The following NATD1 variants were observed in gnomAD, a reference collection of about 807,000 sequenced individuals.
NATD1 encodes protein NATD1.
A neutral mutation model predicts 12.0 loss-of-function variants in NATD1; 9 were observed. That is an observed-to-expected ratio of 0.75 (90% CI 0.45 to 1.30). NATD1 has a LOEUF of 1.30. NATD1 is among the 50% of genes most tolerant of loss of function. NATD1 has a pLI of 0.00. For missense variants in NATD1, 148 were observed against 148.5 expected, an observed-to-expected ratio of 1.00 and a Z score of 0.02; for synonymous variants, 71 against 65.9, an observed-to-expected ratio of 1.08 and a Z score of -0.37.
chr17:21,248,514 CT>C (rs1023261015), intron 1 of NATD1, among the ~76,000 whole-genome samples: 63 of 152,314 alleles, frequency 4.1e-4, no homozygotes, highest in African/African-American at 1.5e-3. Context: ...ACCCTTCCTT[CT>C]CATTTCAGGT....
Position 21,243,252 on chromosome 17 carries a change from G to GT in NATD1, c.*60_*61insA. On this transcript the variant is annotated 3_prime_UTR_variant, in exon 3 of 3. Coordinates refer to ENST00000611551, the MANE Select transcript of NATD1 (RefSeq NM_152914.3). ...GGGACCAGGTTCCTGAGAGCACGTG[G>GT]GGCCAGGCAAAGGCCACGTGGAAGA... is the stretch of plus-strand genomic sequence containing the variant. The GT allele has an allele frequency of 7.2e-7, 1 of 1,381,174 alleles. No homozygotes were observed. Among genetic ancestry groups the GT allele is most frequent in the Non-Finnish European group, 1.0e-6 (1 of 991,536 alleles). The allele number at this position is 1,381,174 out of a possible 1,614,324, so 85.6% of individuals were successfully genotyped here. A position where few individuals can be genotyped will look rare whatever the true frequency, so the allele number is the denominator to read the frequency against.
chr17:21,244,975 C>CA lies in NATD1; in HGVS notation c.107-752dup, dbSNP rs1975312987. 6.6e-6 allele frequency among the ~76,000 whole-genome samples: 1 copy of CA among 152,206 alleles called. No homozygotes were observed. Among genetic ancestry groups the CA allele is most frequent in the African/African-American group, 2.4e-5 (1 of 41,454 alleles). On this transcript the variant is annotated intron_variant, in intron 1 of 2. Transcript: ENST00000611551. The surrounding 1 kb of genome is among the most constrained non-coding windows in gnomAD (Gnocchi z 5.2). Reference sequence around the variant, plus strand: ...CATCCACCAAATGTTTCCTGAGCCCCAGGTACTGTTTCAGATGCTGGGAGT... The same window carrying CA: ...CATCCACCAAATGTTTCCTGAGCCCCAAGGTACTGTTTCAGATGCTGGGAGT...
intron 1 of NATD1, among the ~76,000 whole-genome samples, chr17:21,251,661 C>G (rs993624388): frequency 6.6e-5 from 10 of 152,220 alleles, no homozygotes; most frequent in Non-Finnish European, 1.2e-4. Context: ...ATCCACGAAG[C>G]TGTAGTGGGG....
chr17:21,253,255 A>C lies in NATD1; in HGVS notation c.10T>G (p.Ser4Ala). 2 of 994,284 alleles carry C rather than the reference A, an allele frequency of 2.0e-6. No individual in the cohort carries two copies. The highest frequency in any genetic ancestry group is 2.4e-6 in the Non-Finnish European group (2 of 837,470). The allele number at this position is 994,284 out of a possible 1,614,324, so 61.6% of individuals were successfully genotyped here. Residue 4 changes from serine to alanine, a missense_variant, in exon 1 of 3, where the codon TCG becomes GCG. Physicochemically the swap from Ser to Ala is moderately conservative, Grantham distance 99 (BLOSUM62 1). Coordinates refer to ENST00000611551, the MANE Select transcript of NATD1 (RefSeq NM_152914.3). MAHSAAAVPLGALE... is the reference protein window; with the variant it reads MAHAAAAVPLGALE... ...GCGCCCAGCGGCACGGCGGCAGCCGAGTGCGCCATCTGCGCGCGGGGCTGC... is the reference window on the plus strand; with the variant it reads ...GCGCCCAGCGGCACGGCGGCAGCCGCGTGCGCCATCTGCGCGCGGGGCTGC...
At position 21,243,234 on chromosome 17, in the gene NATD1, G is replaced by A; in HGVS notation, c.*79C>T. The A allele has an allele frequency of 1.8e-6, 2 of 1,131,536 alleles. No homozygotes were observed. The highest frequency in any genetic ancestry group is 2.1e-4 in the Middle Eastern group (1 of 4,742). The allele number at this position is 1,131,536 out of a possible 1,614,324, so 70.1% of individuals were successfully genotyped here. ...TCTGAGTCTGTTCCCAGTGGGACCA[G>A]GTTCCTGAGAGCACGTGGGGCCAGG... On this transcript the variant is annotated 3_prime_UTR_variant, in exon 3 of 3. Transcript: ENST00000611551.
intron 1 of NATD1, among the ~76,000 whole-genome samples, chr17:21,246,879 G>A (rs1157201393): frequency 6.6e-6 from 1 of 152,204 alleles, no homozygotes; most frequent in African/African-American, 2.4e-5. Context: ...CCTGGGGTAG[G>A]AGGTTGAAGG....
In NATD1 at chr17:21,244,167, A is replaced by C. The variant is rs765488150; in HGVS notation, c.164T>G (p.Leu55Arg). The stretch of plus-strand genomic sequence containing the variant: ...GGCATCTGGGACCTCGGTGTGCTGC[A>C]GGTCCACGATCCGCTTGCCCACGTA... Reference protein sequence around the residue: ...YEYVGKRIVDLQHTEVPDAYR... With the variant: ...YEYVGKRIVDRQHTEVPDAYR... Residue 55 changes from leucine (L) to arginine (R), a missense_variant, in exon 2 of 3, where the codon CTG becomes CGG. Leu to Arg is a moderately radical substitution (Grantham distance 102, BLOSUM62 -2). Coordinates refer to ENST00000611551, the MANE Select transcript of NATD1 (RefSeq NM_152914.3). This position sits in a 1 kb window ranked among gnomAD's most constrained non-coding sequence, Gnocchi z 5.2. 1 of 1,613,260 alleles carries C rather than the reference A, an allele frequency of 6.2e-7. No individual in the cohort carries two copies. Among genetic ancestry groups the C allele is most frequent in the South Asian group, 1.1e-5 (1 of 91,058 alleles).
chr17:21,253,011 C>G, intron 1 of NATD1, 148 bp downstream of exon 1: 1 of 263,806 alleles, frequency 3.8e-6, no homozygotes, highest in Non-Finnish European at 5.9e-6. Flanking sequence ...GGGACCACCC[C>G]GCGGCGCGCG....
chr17:21,244,287 G>C lies in NATD1; in HGVS notation c.107-63C>G, dbSNP rs1025350242. ...CCATCCCAGCGGACTCAGGCACCAA[G>C]ACGGGTGGAGGGACAGGCATTTGGA... On this transcript the variant is annotated intron_variant, in intron 1 of 2. Coordinates refer to ENST00000611551, the MANE Select transcript of NATD1 (RefSeq NM_152914.3). This position sits in a 1 kb window ranked among gnomAD's most constrained non-coding sequence, Gnocchi z 5.2. The C allele has an allele frequency of 6.9e-7, 1 of 1,441,098 alleles. No homozygotes were observed. Among genetic ancestry groups the C allele is most frequent in the Non-Finnish European group, 9.6e-7 (1 of 1,046,172 alleles). 89.3% of individuals were successfully genotyped at this position (1,441,098 alleles called of 1,614,324 possible).
Position 21,243,226 on chromosome 17 carries a change from TG to T in NATD1, c.*86del. The T allele has an allele frequency of 9.9e-7, 1 of 1,009,712 alleles. No homozygotes were observed. The highest frequency in any genetic ancestry group is 1.5e-6 in the Non-Finnish European group (1 of 671,318). The allele number at this position is 1,009,712 out of a possible 1,614,324, so 62.5% of individuals were successfully genotyped here. ...AAAATAACTCTGAGTCTGTTCCCAGTGGGACCAGGTTCCTGAGAGCACGTGG... is the reference window on the plus strand; with the variant it reads ...AAAATAACTCTGAGTCTGTTCCCAGTGGACCAGGTTCCTGAGAGCACGTGG... On this transcript the variant is annotated 3_prime_UTR_variant, in exon 3 of 3. Transcript: ENST00000611551.
intron 1 of NATD1, among the ~76,000 whole-genome samples, chr17:21,249,339 A>G (rs536339050): frequency 6.6e-6 from 1 of 152,300 alleles, no homozygotes; most frequent in Admixed American, 6.5e-5. Context: ...CTGTAAGTAG[A>G]GCCTGGATCA....
Position 21,244,821 on chromosome 17 carries a change from A to AG in NATD1, c.107-598dup, listed in dbSNP as rs1975311817. On this transcript the variant is annotated intron_variant, in intron 1 of 2. Transcript: ENST00000611551. This position sits in a 1 kb window ranked among gnomAD's most constrained non-coding sequence, Gnocchi z 5.2. ...ACTCCACCAGGCCTGCCAAGCCTGG[A>AG]GCTCACCAGTCCACCCCAAACTGCT... is the stretch of plus-strand genomic sequence containing the variant. Among the ~76,000 whole-genome samples, 1 of 152,194 alleles carries AG rather than the reference A, an allele frequency of 6.6e-6. No homozygotes were observed. The highest frequency in any genetic ancestry group is 2.1e-4 in the South Asian group (1 of 4,830).
At chr17:21,245,340 G>A (rs1402861059) in intron 1 of NATD1, among the ~76,000 whole-genome samples, 2 of 152,140 alleles carry the variant, frequency 1.3e-5, no homozygotes, top group African/African-American at 4.8e-5. Flanking sequence ...CTCAGCAAAG[G>A]GACAGATGTG....
At chr17:21,248,956 T>C (rs1042278285) in intron 1 of NATD1, among the ~76,000 whole-genome samples, 1 of 151,516 alleles carries the variant, frequency 6.6e-6, no homozygotes, top group East Asian at 1.9e-4. Context: ...CGTGACTGGT[T>C]TGGGAAAAGT....
rs1287648990 is a variant in NATD1 at position 21,240,599 on chromosome 17, T to A, written c.*2714A>T. 2 of 152,598 alleles carry A rather than the reference T, an allele frequency of 1.3e-5. No homozygotes were observed. Among genetic ancestry groups the A allele is most frequent in the African/African-American group, 4.8e-5 (2 of 41,448 alleles). The allele number at this position is 152,598 out of a possible 1,614,324, so 9.5% of individuals were successfully genotyped here. ...AGGAGGGAAGGCACGAGTCACTGCC[T>A]ATTTTGACCCGGCAAGAAATACAAA... On this transcript the variant is annotated 3_prime_UTR_variant, in exon 3 of 3. Transcript: ENST00000611551.
Position 21,253,210 on chromosome 17 carries a change from T to G in NATD1, c.55A>C (p.Ile19Leu), listed in dbSNP as rs1262199075. 2.0e-6 allele frequency: 2 copies of G among 1,005,636 alleles called. No individual in the cohort carries two copies. Among genetic ancestry groups the G allele is most frequent in the South Asian group, 4.4e-5 (1 of 22,852 alleles). 62.3% of individuals were successfully genotyped at this position (1,005,636 alleles called of 1,614,324 possible). A position where few individuals can be genotyped will look rare whatever the true frequency, so the allele number is the denominator to read the frequency against. ...PLGALEQGCPIRVEHDRRRRQ... is the reference protein window; with the variant it reads ...PLGALEQGCPLRVEHDRRRRQ... ...CGCCGGCGGTCGTGCTCCACGCGGATGGGGCAGCCCTGCTCCAGCGCGCCC... is the reference window on the plus strand; with the variant it reads ...CGCCGGCGGTCGTGCTCCACGCGGAGGGGGCAGCCCTGCTCCAGCGCGCCC... The change falls in exon 1 of 3, where the codon ATC becomes CTC. Residue 19 changes from isoleucine (I) to leucine (L), a missense_variant. Transcript: ENST00000611551.
In NATD1 at chr17:21,241,841, A is replaced by T. The variant is rs1975276506; in HGVS notation, c.*1472T>A. 6.6e-6 allele frequency: 1 copy of T among 151,936 alleles called. No homozygotes were observed. Among genetic ancestry groups the T allele is most frequent in the African/African-American group, 2.4e-5 (1 of 41,054 alleles). 9.4% of individuals were successfully genotyped at this position (151,936 alleles called of 1,614,324 possible). A position where few individuals can be genotyped will look rare whatever the true frequency, so the allele number is the denominator to read the frequency against. ...CCTGGGCTGCTGTTGCTGGAGAAGGAATGTGGGGGGTCTCGGTGCCAAGAC... is the reference window on the plus strand; with the variant it reads ...CCTGGGCTGCTGTTGCTGGAGAAGGTATGTGGGGGGTCTCGGTGCCAAGAC... On this transcript the variant is annotated 3_prime_UTR_variant, in exon 3 of 3. Transcript: ENST00000611551.
In NATD1 at chr17:21,238,955, A is replaced by C. The variant is rs1166375634; in HGVS notation, c.*4358T>G. The stretch of plus-strand genomic sequence containing the variant: ...AACATAACCCTAAATTTGATTCTGC[A>C]GGTTGCAGTTACAACACAAGTTGAA... On this transcript the variant is annotated 3_prime_UTR_variant, in exon 3 of 3. Coordinates refer to ENST00000611551, the MANE Select transcript of NATD1 (RefSeq NM_152914.3). 1.3e-5 allele frequency: 2 copies of C among 152,252 alleles called. No individual in the cohort carries two copies. The highest frequency in any genetic ancestry group is 2.9e-5 in the Non-Finnish European group (2 of 68,060). 9.4% of individuals were successfully genotyped at this position (152,252 alleles called of 1,614,324 possible). A position where few individuals can be genotyped will look rare whatever the true frequency, so the allele number is the denominator to read the frequency against.
chr17:21,245,600 GAACTACTGAGATGCAGGGATCC>G (rs1221453761), intron 1 of NATD1, among the ~76,000 whole-genome samples: 3 of 152,110 alleles, frequency 2.0e-5, no homozygotes, highest in Non-Finnish European at 4.4e-5. Context: ...TCCAGATGAG[GAACTACTGAGATGCAGGGATCC>G]AAGTCACACA....
Sources: gnomAD v4.1 joint callset for allele counts (sites outside exome capture counted in the v4.1 genomes callset) on GRCh38, gnomAD v4.1.1 for gene constraint, Gnocchi (gnomAD v3.1) non-coding constraint, MANE v1.5 for transcripts, NCBI Gene and HGNC (gene_info 2026-07-23, HGNC 2026-07-21) for gene names.